Variants in VTI1A observed in about 807,000 individuals in gnomAD.
VTI1A encodes the protein vesicle transport through interaction with t-SNAREs 1A.
A neutral mutation model predicts 34.9 loss-of-function variants in VTI1A; 22 were observed. That is an observed-to-expected ratio of 0.63 (90% confidence interval 0.45 to 0.90). The LOEUF (loss-of-function observed/expected upper bound fraction) is 0.90, where lower values mean the gene tolerates loss of function less well. Ranked by LOEUF, VTI1A falls within the 40% of genes least tolerant of loss-of-function variation. VTI1A has a pLI of 0.00. For missense variants in VTI1A, 268 were observed against 275.6 expected (o/e 0.97, Z 0.20); for synonymous variants, 87 against 97.3 (o/e 0.89, Z 0.62).
intron 7 of VTI1A, among the ~76,000 whole-genome samples, chr10:112,747,061 T>G (rs778685747): frequency 5.3e-5 from 8 of 152,170 alleles, no homozygotes; most frequent in Non-Finnish European, 8.8e-5. Flanking sequence ...GAGACCAGAT[T>G]TGAACTAGGG....
intron 7 of VTI1A, among the ~76,000 whole-genome samples, chr10:112,809,859 A>G (rs111323338): frequency 6.6e-6 from 1 of 152,108 alleles, no homozygotes; most frequent in African/African-American, 2.4e-5. Flanking sequence ...GGAAAGAGAG[A>G]TGTGTAGGGA....
intron 7 of VTI1A, among the ~76,000 whole-genome samples, chr10:112,815,076 C>G (rs1473547410): frequency 1.3e-5 from 2 of 151,144 alleles, no homozygotes; most frequent in Non-Finnish European, 2.9e-5. Flanking sequence ...TCATGTGGAG[C>G]CTTTCGTTTC....
the VTI1A span, among the ~76,000 whole-genome samples, chr10:112,842,581 A>G: frequency 6.6e-6 from 1 of 152,234 alleles, no homozygotes. Flanking sequence ...CATCAATAAA[A>G]TGAAAAGAAC....
chr10:112,587,411 G>A (rs1844203150), intron 5 of VTI1A, among the ~76,000 whole-genome samples: 2 of 151,532 alleles, frequency 1.3e-5, no homozygotes, highest in African/African-American at 4.9e-5. Flanking sequence ...ATTAAAAGCT[G>A]GCATAAAAAA....
In VTI1A at chr10:112,762,698, C is replaced by T. The variant is rs1019941425; in HGVS notation, c.561-52592C>T. On this transcript the variant is annotated intron_variant, in intron 7 of 7. Transcript: ENST00000393077. ...CAGTATTCCAATTTCTCATTAATATCTACCCGGAAGAGAGTTGTTGAATAT... is the reference window on the plus strand; with the variant it reads ...CAGTATTCCAATTTCTCATTAATATTTACCCGGAAGAGAGTTGTTGAATAT... 2.0e-5 allele frequency among the ~76,000 whole-genome samples: 3 copies of T among 152,138 alleles called. No individual in the cohort carries two copies. In the East Asian group the frequency reaches 5.8e-4, roughly 29 times the overall value.
intron 5 of VTI1A, among the ~76,000 whole-genome samples, chr10:112,580,176 A>G (rs926927528): frequency 6.6e-6 from 1 of 152,218 alleles, no homozygotes; most frequent in Non-Finnish European, 1.5e-5. Flanking sequence ...AAGATGTACA[A>G]AGGGATGGAA....
intron 7 of VTI1A, among the ~76,000 whole-genome samples, chr10:112,812,872 C>G (rs147308884): frequency 6.6e-6 from 1 of 152,112 alleles, no homozygotes; most frequent in African/African-American, 2.4e-5. Flanking sequence ...TCATCTTTGA[C>G]GGGGCTTGCT....
intron 5 of VTI1A, among the ~76,000 whole-genome samples, chr10:112,576,829 C>G (rs773416217): frequency 6.6e-6 from 1 of 152,106 alleles, no homozygotes; most frequent in South Asian, 2.1e-4. Context: ...GTAAGAAATA[C>G]ATTTCACGTC....
chr10:112,701,138 A>G (rs1848994116), intron 7 of VTI1A, among the ~76,000 whole-genome samples: 1 of 152,198 alleles, frequency 6.6e-6, no homozygotes, highest in African/African-American at 2.4e-5. Context: ...CATTTTTCAT[A>G]ATTGTATGTT....
intron 1 of VTI1A, among the ~76,000 whole-genome samples, chr10:112,460,080 G>C (rs1361161181): frequency 6.6e-6 from 1 of 152,086 alleles, no homozygotes; most frequent in East Asian, 1.9e-4. Context: ...CCATGCTACT[G>C]AAAGTACAAT....
At chr10:112,526,732 T>A (rs1850239742) in intron 3 of VTI1A, among the ~76,000 whole-genome samples, 1 of 152,138 alleles carries the variant, frequency 6.6e-6, no homozygotes, top group East Asian at 1.9e-4. Context: ...TATACTCCTG[T>A]CTTAAGTACA....
chr10:112,795,984 TCAA>T (rs1564928821), intron 7 of VTI1A, among the ~76,000 whole-genome samples: 1 of 152,202 alleles, frequency 6.6e-6, no homozygotes, highest in African/African-American at 2.4e-5. Flanking sequence ...TGCTGTTAGT[TCAA>T]CTAGTGTTTT....
chr10:112,447,044 G>A (rs77198664), upstream of VTI1A: 21 of 292,862 alleles, frequency 7.2e-5, no homozygotes, highest in Non-Finnish European at 9.3e-5. Flanking sequence ...AGAACACGAA[G>A]GGGGGAAAAA....
intron 4 of VTI1A, among the ~76,000 whole-genome samples, chr10:112,530,837 C>G (rs1850395881): frequency 6.6e-6 from 1 of 152,120 alleles, no homozygotes; most frequent in South Asian, 2.1e-4. Flanking sequence ...CCTGGCAGAG[C>G]AGATCATTAC....
At chr10:112,548,305 CT>C (rs1225549311) in intron 5 of VTI1A, among the ~76,000 whole-genome samples, 1 of 151,578 alleles carries the variant, frequency 6.6e-6, no homozygotes, top group Non-Finnish European at 1.5e-5. Context: ...AAGCCAGTCA[CT>C]TTTTTTTTCT....
intron 7 of VTI1A, among the ~76,000 whole-genome samples, chr10:112,799,227 G>T (rs915978756): frequency 6.6e-6 from 1 of 151,934 alleles, no homozygotes; most frequent in African/African-American, 2.4e-5. Flanking sequence ...GGAGGGTAAG[G>T]CAGGGATGCG....
intron 5 of VTI1A, among the ~76,000 whole-genome samples, chr10:112,588,497 T>C (rs1037148744): frequency 3.4e-4 from 51 of 152,228 alleles, no homozygotes; most frequent in Non-Finnish European, 8.8e-5. Context: ...TGTAACATGT[T>C]TGAAAATTAG....
chr10:112,753,158 A>C (rs2133995116), intron 7 of VTI1A, among the ~76,000 whole-genome samples: 1 of 152,216 alleles, frequency 6.6e-6, no homozygotes, highest in South Asian at 2.1e-4. Context: ...TGTAACATAT[A>C]CAGATTTGCG....
chr10:112,447,294 A>C lies in VTI1A; in HGVS notation c.-80A>C. On this transcript the variant is annotated 5_prime_UTR_variant, in exon 1 of 8. Transcript: ENST00000393077. ...TCGGGGGCACCTTCCGGGGTTCCTA[A>C]GCCGCGGGGCCCCTCGCTGCCCCTC... 6.7e-7 allele frequency: 1 copy of C among 1,499,106 alleles called. No homozygotes were observed. Among genetic ancestry groups the C allele is most frequent in the South Asian group, 1.2e-5 (1 of 83,714 alleles). The allele number at this position is 1,499,106 out of a possible 1,614,324, so 92.9% of individuals were successfully genotyped here.
Sources: allele counts gnomAD v4.1 joint callset (sites outside exome capture counted in the v4.1 genomes callset), GRCh38; gene constraint gnomAD v4.1.1; transcripts MANE v1.5; gene names NCBI Gene and HGNC (gene_info 2026-07-23, HGNC 2026-07-21).